Variants in PSME3IP1 observed in about 807,000 individuals in gnomAD.
PSME3IP1 encodes proteasome activator subunit 3 interacting protein 1, also known as PSME3-interacting protein.
PSME3IP1 carries 13 observed loss-of-function variants against 34.1 expected under a neutral mutation model. That is an observed-to-expected ratio of 0.38 (90% CI 0.25 to 0.61). The LOEUF (loss-of-function observed/expected upper bound fraction) is 0.61. Ranked by LOEUF, PSME3IP1 falls within the 20% of genes least tolerant of loss-of-function variation. The pLI is 0.60. For missense variants in PSME3IP1, 237 were observed against 301.4 expected (o/e 0.79, Z 1.58); for synonymous variants, 93 against 114.3 (o/e 0.81, Z 1.19).
chr16:57,155,763 G>A (rs762904931), intron 6 of PSME3IP1, among the ~76,000 whole-genome samples: 7 of 152,024 alleles, frequency 4.6e-5, no homozygotes, highest in Non-Finnish European at 8.8e-5. Flanking sequence ...TTGAGATCGC[G>A]CTACTGCACT....
Position 57,186,016 on chromosome 16 carries a change from C to A in PSME3IP1, c.-211G>T, listed in dbSNP as rs1398495263. The A allele has an allele frequency of 6.1e-6, 6 of 985,334 alleles. No homozygotes were observed. The highest frequency in any genetic ancestry group is 6.1e-5 in the Admixed American group (1 of 16,272). The allele number at this position is 985,334 out of a possible 1,614,324, so 61.0% of individuals were successfully genotyped here. On this transcript the variant is annotated 5_prime_UTR_variant, in exon 1 of 7. Transcript: ENST00000309137. Reference sequence around the variant, plus strand: ...TTGTATTTCTTTTGACCCTTCAGGGCTTCCTGTTCCTCACCGCCACAATAG... The same window carrying A: ...TTGTATTTCTTTTGACCCTTCAGGGATTCCTGTTCCTCACCGCCACAATAG...
In PSME3IP1 at chr16:57,185,962, G is replaced by C; in HGVS notation, c.-157C>G. The C allele has an allele frequency of 2.7e-6, 2 of 750,758 alleles. No individual in the cohort carries two copies. Among genetic ancestry groups the C allele is most frequent in the Non-Finnish European group, 3.2e-6 (2 of 619,682 alleles). The allele number at this position is 750,758 out of a possible 1,614,324, so 46.5% of individuals were successfully genotyped here. A position where few individuals can be genotyped will look rare whatever the true frequency, so the allele number is the denominator to read the frequency against. On this transcript the variant is annotated 5_prime_UTR_variant, in exon 1 of 7. Transcript: ENST00000309137. Reference sequence around the variant, plus strand: ...CAGAGGAAGGAATGAATGAAAGAAAGAAAAAAAAAAAGAAAATAGCCTTTG... The same window carrying C: ...CAGAGGAAGGAATGAATGAAAGAAACAAAAAAAAAAAGAAAATAGCCTTTG...
In PSME3IP1 at chr16:57,186,034, C is replaced by A; in HGVS notation, c.-229G>T. The A allele has an allele frequency of 2.0e-6, 2 of 985,460 alleles. No individual in the cohort carries two copies. The highest frequency in any genetic ancestry group is 2.4e-6 in the Non-Finnish European group (2 of 829,960). 61.0% of individuals were successfully genotyped at this position (985,460 alleles called of 1,614,324 possible). A position where few individuals can be genotyped will look rare whatever the true frequency, so the allele number is the denominator to read the frequency against. ...TTCAGGGCTTCCTGTTCCTCACCGC[C>A]ACAATAGAGTCCCGCCCCACTTCCG... On this transcript the variant is annotated 5_prime_UTR_variant, in exon 1 of 7. Coordinates refer to ENST00000309137, the MANE Select transcript of PSME3IP1 (RefSeq NM_024946.4).
At chr16:57,163,689 C>A (rs889574453) in intron 6 of PSME3IP1, among the ~76,000 whole-genome samples, 1 of 152,186 alleles carries the variant, frequency 6.6e-6, no homozygotes, top group South Asian at 2.1e-4. Context: ...TTGGGGGAAA[C>A]AGAAAAACAC....
intron 3 of PSME3IP1, 34 bp downstream of exon 3, chr16:57,172,742 G>T (rs372393113): frequency 6.8e-7 from 1 of 1,477,816 alleles, no homozygotes; most frequent in Non-Finnish European, 9.5e-7. Context: ...GTACCCCACA[G>T]AGCCCCTTGA....
intron 6 of PSME3IP1, among the ~76,000 whole-genome samples, chr16:57,161,543 C>G (rs1482909760): frequency 1.3e-5 from 2 of 148,914 alleles, no homozygotes; most frequent in Non-Finnish European, 3.0e-5. Flanking sequence ...ACGGAGTCTC[C>G]CTCTGTCACC....
intron 6 of PSME3IP1, among the ~76,000 whole-genome samples, chr16:57,157,299 C>T (rs1441250403): frequency 7.6e-6 from 1 of 131,560 alleles, no homozygotes; most frequent in African/African-American, 2.9e-5. Flanking sequence ...GGTGACAGAG[C>T]GAGAACCTAT....
At chr16:57,167,842 G>C (rs1435359544) in intron 4 of PSME3IP1, among the ~76,000 whole-genome samples, 1 of 152,152 alleles carries the variant, frequency 6.6e-6, no homozygotes, top group African/African-American at 2.4e-5. Flanking sequence ...TAGCCAAAAG[G>C]CCAAGAAACA....
chr16:57,154,380 C>T lies in PSME3IP1; in HGVS notation c.675G>A (p.Glu225=). 5.0e-6 allele frequency: 8 copies of T among 1,614,094 alleles called. No homozygotes were observed. The highest frequency in any genetic ancestry group is 1.7e-5 in the Admixed American group (1 of 60,024). Residue 225 remains glutamate, a synonymous_variant, in exon 7 of 7, where the codon GAG becomes GAA. Coordinates refer to ENST00000309137, the MANE Select transcript of PSME3IP1 (RefSeq NM_024946.4). The surrounding 1 kb of genome is among the most constrained non-coding windows in gnomAD (Gnocchi z 4.0). ...LGAYSGSSDS[E]SSSDSEGTIN... ...TGGTGCCTTCGCTGTCTGAGCTGGA[C>T]TCGGAGTCGCTGCTCCCAGAGTAGG...
chr16:57,178,483 T>G, intron 1 of PSME3IP1: 1 of 859,264 alleles, frequency 1.2e-6, no homozygotes, highest in Non-Finnish European at 1.4e-6. Context: ...TGGCATATAT[T>G]AGGTATTCAA....
chr16:57,158,772 A>G (rs1597583875), intron 6 of PSME3IP1, among the ~76,000 whole-genome samples: 1 of 152,332 alleles, frequency 6.6e-6, no homozygotes, highest in African/African-American at 2.4e-5. Context: ...TGTTGTGAAC[A>G]TCATAGAATA....
At chr16:57,169,077 G>A (rs139192260) in intron 4 of PSME3IP1, among the ~76,000 whole-genome samples, 216 of 152,118 alleles carry the variant, frequency 1.4e-3, no homozygotes, top group African/African-American at 5.0e-3. Context: ...TAACCTTTTA[G>A]GGGTAGGGGG....
chr16:57,185,608 C>T, intron 1 of PSME3IP1: 7 of 985,494 alleles, frequency 7.1e-6, no homozygotes, highest in Non-Finnish European at 8.4e-6. Context: ...TGAAAGGGTC[C>T]TCGCCGCGAC....
Position 57,172,806 on chromosome 16 carries a change from GCTTCCTGTC to G in PSME3IP1, c.187_195del (p.Asp63_Lys65del), listed in dbSNP as rs566394282. 4.7e-5 allele frequency: 76 copies of G among 1,613,596 alleles called. No individual in the cohort carries two copies. Among genetic ancestry groups the G allele is most frequent in the Non-Finnish European group, 6.4e-5 (76 of 1,179,580 alleles). ...TTGAACTGTTCCTCGTACTCCTGCT[GCTTCCTGTC>G]CTTCTGTTCCTGTAGCCTTTCATAT... On this transcript the variant is annotated inframe_deletion, in exon 3 of 7. Coordinates refer to ENST00000309137, the MANE Select transcript of PSME3IP1 (RefSeq NM_024946.4).
intron 4 of PSME3IP1, among the ~76,000 whole-genome samples, chr16:57,168,315 GA>G (rs1434557823): frequency 1.3e-5 from 2 of 152,132 alleles, no homozygotes; most frequent in Non-Finnish European, 2.9e-5. Flanking sequence ...AGATTTTCCA[GA>G]AATCCTAAGA....
intron 6 of PSME3IP1, among the ~76,000 whole-genome samples, chr16:57,161,877 C>T (rs1384613960): frequency 6.6e-6 from 1 of 151,906 alleles, no homozygotes; most frequent in Non-Finnish European, 1.5e-5. Flanking sequence ...ACTTAATATT[C>T]GATAATATTT....
rs144791655 is a variant in PSME3IP1 at position 57,154,846 on chromosome 16, T to G, written c.548-339A>C. 1.3e-5 allele frequency among the ~76,000 whole-genome samples: 2 copies of G among 152,168 alleles called. No individual in the cohort carries two copies. Among genetic ancestry groups the G allele is most frequent in the African/African-American group, 4.8e-5 (2 of 41,438 alleles). On this transcript the variant is annotated intron_variant, in intron 6 of 6. Transcript: ENST00000309137. This position sits in a 1 kb window ranked among gnomAD's most constrained non-coding sequence, Gnocchi z 4.0. ...GGAGTGTAGCCTAGAGTGCTTTGAT[T>G]TCCCTGTGCTCACACAGCCGTGAGA...
In PSME3IP1 at chr16:57,177,452, A is replaced by G. The variant is rs541103970; in HGVS notation, c.-15-3583T>C. Among the ~76,000 whole-genome samples the G allele has an allele frequency of 2.8e-4, 43 of 151,524 alleles. 1 individual carries two copies. The South Asian group carries it at 8.7e-3, about 31-fold the overall frequency. On this transcript the variant is annotated intron_variant, in intron 1 of 6. Transcript: ENST00000309137. ...TACAATCTGCCCACCTCAGCCTGCC[A>G]AAGTGCTGGGGTTATAGGCATGAGC...
Position 57,152,874 on chromosome 16 carries a change from G to A in PSME3IP1, c.*1416C>T, listed in dbSNP as rs1327400631. ...TCGCCATCTGCCAATGGGCACCAGAGTGTCACTGTACTGGAAGGGGAAAAG... is the reference window on the plus strand; with the variant it reads ...TCGCCATCTGCCAATGGGCACCAGAATGTCACTGTACTGGAAGGGGAAAAG... On this transcript the variant is annotated 3_prime_UTR_variant, in exon 7 of 7. Coordinates refer to ENST00000309137, the MANE Select transcript of PSME3IP1 (RefSeq NM_024946.4). 6.6e-6 allele frequency: 1 copy of A among 152,584 alleles called. No individual in the cohort carries two copies. Among genetic ancestry groups the A allele is most frequent in the African/African-American group, 2.4e-5 (1 of 41,454 alleles). 9.5% of individuals were successfully genotyped at this position (152,584 alleles called of 1,614,324 possible).
Sources: allele counts gnomAD v4.1 joint callset (sites outside exome capture counted in the v4.1 genomes callset), GRCh38; gene constraint gnomAD v4.1.1; non-coding constraint Gnocchi (gnomAD v3.1); transcripts MANE v1.5; gene names NCBI Gene and HGNC (gene_info 2026-07-23, HGNC 2026-07-21).